MALRD1: variants seen among roughly 807,000 people sequenced by gnomAD.
MALRD1 encodes the protein MAM and LDL receptor class A domain containing 1, also known as MAM and LDL-receptor class A domain-containing protein 1.
A neutral mutation model predicts 242.1 loss-of-function variants in MALRD1; 247 were observed. The observed-to-expected ratio is 1.02, with a 90% CI of 0.92 to 1.13. The LOEUF (loss-of-function observed/expected upper bound fraction) is 1.13. Among genes scored for constraint, MALRD1 ranks in the 50% most tolerant of loss-of-function variants. The pLI, the probability that MALRD1 is intolerant of heterozygous loss-of-function variation, is 0.00. For synonymous variants in MALRD1, 995 were observed against 866.6 expected (o/e 1.15, Z -2.60); for missense variants, 2,989 against 2,533.1 (o/e 1.18, Z -3.86).
intron 36 of MALRD1, among the ~76,000 whole-genome samples, chr10:19,679,725 G>A (rs1842287113): frequency 6.6e-6 from 1 of 151,624 alleles, no homozygotes; most frequent in South Asian, 2.1e-4. Context: ...TGGTTCTCTA[G>A]TTCTTTTAGT....
intron 24 of MALRD1, among the ~76,000 whole-genome samples, chr10:19,346,791 C>T (rs1173206301): frequency 3.3e-5 from 5 of 152,082 alleles, no homozygotes; most frequent in African/African-American, 1.2e-4. Context: ...GCTGGGACCA[C>T]AGATGCCTGC....
chr10:19,653,608 T>A lies in MALRD1; in HGVS notation c.6137+37685T>A, dbSNP rs11010950. Among the ~76,000 whole-genome samples, 27 of 127,962 alleles carry A rather than the reference T, an allele frequency of 2.1e-4. No individual in the cohort carries two copies. In the East Asian group the frequency reaches 5.8e-3, roughly 28 times the overall value. 83.9% of individuals were successfully genotyped at this position (127,962 alleles called of 152,430 possible). A position where few individuals can be genotyped will look rare whatever the true frequency, so the allele number is the denominator to read the frequency against. Reference sequence around the variant, plus strand: ...AAGTTTTCATTTGTTCATTTTTAATTTTTTCTTCTTGCCTCTGGGAGACTT... The same window carrying A: ...AAGTTTTCATTTGTTCATTTTTAATATTTTCTTCTTGCCTCTGGGAGACTT... On this transcript the variant is annotated intron_variant, in intron 36 of 39. Coordinates refer to ENST00000454679, the MANE Select transcript of MALRD1 (RefSeq NM_001142308.3).
At chr10:19,225,481 A>G (rs1011710968) in intron 18 of MALRD1, among the ~76,000 whole-genome samples, 1 of 151,512 alleles carries the variant, frequency 6.6e-6, no homozygotes, top group South Asian at 2.1e-4. Context: ...TCACATATGT[A>G]TATGTGCAAA....
chr10:19,228,213 A>G (rs892818570), intron 18 of MALRD1, among the ~76,000 whole-genome samples: 1 of 152,220 alleles, frequency 6.6e-6, no homozygotes, highest in Non-Finnish European at 1.5e-5. Flanking sequence ...GTACCACTCA[A>G]CAATAAAAAG....
chr10:19,136,910 C>T (rs1056049874), intron 10 of MALRD1, 129 bp downstream of exon 10: 13 of 546,624 alleles, frequency 2.4e-5, no homozygotes, highest in South Asian at 1.0e-4. Context: ...TATGCATTAT[C>T]GCTCTGAAAC....
chr10:19,345,357 TA>T (rs1162346623), intron 24 of MALRD1, among the ~76,000 whole-genome samples: 8 of 152,184 alleles, frequency 5.3e-5, no homozygotes, highest in Non-Finnish European at 1.2e-4. Flanking sequence ...CACAGGCTGC[TA>T]AATTTTCCAG....
chr10:19,199,708 T>C lies in MALRD1; in HGVS notation c.1952-4020T>C, dbSNP rs557054621. Among the ~76,000 whole-genome samples, 11 of 151,938 alleles carry C rather than the reference T, an allele frequency of 7.2e-5. 1 individual carries two copies. The South Asian group carries it at 2.3e-3, about 32-fold the overall frequency. ...CCCAGCTACTCAGTAAGCTGAGGCA[T>C]GAGAATTGCTTGAACCCGGGAGGTG... On this transcript the variant is annotated intron_variant, in intron 14 of 39. Transcript: ENST00000454679.
At chr10:19,118,573 T>C (rs566246773) in intron 5 of MALRD1, among the ~76,000 whole-genome samples, 2 of 152,318 alleles carry the variant, frequency 1.3e-5, no homozygotes, top group South Asian at 2.1e-4. Flanking sequence ...GGTTTTATCA[T>C]GTAGATGAAG....
chr10:19,050,340 G>C (rs1208927787), intron 1 of MALRD1, among the ~76,000 whole-genome samples: 1 of 151,250 alleles, frequency 6.6e-6, no homozygotes, highest in Non-Finnish European at 1.5e-5. Flanking sequence ...GCCCGCCTCG[G>C]CCTCCCAAAG....
chr10:19,232,420 C>T (rs144236094), intron 18 of MALRD1, among the ~76,000 whole-genome samples: 2 of 151,900 alleles, frequency 1.3e-5, no homozygotes, highest in East Asian at 3.9e-4. Context: ...TCAAGTCATC[C>T]GCCCGCCTCA....
intron 14 of MALRD1, among the ~76,000 whole-genome samples, chr10:19,201,940 C>T (rs773882223): frequency 4.6e-5 from 7 of 152,002 alleles, no homozygotes; most frequent in Non-Finnish European, 7.4e-5. Context: ...CTCAGCCTCC[C>T]GAGTAGCTGG....
chr10:19,700,866 G>C (rs1833591118), intron 38 of MALRD1, among the ~76,000 whole-genome samples: 1 of 152,090 alleles, frequency 6.6e-6, no homozygotes, highest in South Asian at 2.1e-4. Context: ...CAAGAGAGAA[G>C]GATTCCCTCA....
chr10:19,483,741 C>A (rs1837118888), intron 29 of MALRD1, among the ~76,000 whole-genome samples: 1 of 152,054 alleles, frequency 6.6e-6, no homozygotes, highest in Admixed American at 6.6e-5. Flanking sequence ...GAACTTAGAA[C>A]TAACATTCAA....
At chr10:19,439,152 A>G (rs1202583471) in intron 28 of MALRD1, among the ~76,000 whole-genome samples, 1 of 152,142 alleles carries the variant, frequency 6.6e-6, no homozygotes, top group Non-Finnish European at 1.5e-5. Context: ...TTAAAATTTA[A>G]TTTAAAAATT....
intron 18 of MALRD1, 49 bp from the exon 19 acceptor site, chr10:19,257,635 T>A (rs1298989053): frequency 7.6e-7 from 1 of 1,316,690 alleles, no homozygotes. Flanking sequence ...TAATTTCCTT[T>A]ACCACATAAA....
intron 19 of MALRD1, among the ~76,000 whole-genome samples, chr10:19,260,164 A>G (rs889326313): frequency 3.3e-5 from 5 of 152,218 alleles, no homozygotes; most frequent in African/African-American, 9.6e-5. Context: ...ATACTATAGT[A>G]TATGTCAGTC....
At chr10:19,174,272 CT>C (rs1330588198) in intron 13 of MALRD1, among the ~76,000 whole-genome samples, 3 of 152,102 alleles carry the variant, frequency 2.0e-5, no homozygotes, top group Non-Finnish European at 4.4e-5. Context: ...CGGATAATTC[CT>C]TTATGGCTGG....
intron 18 of MALRD1, among the ~76,000 whole-genome samples, chr10:19,225,576 A>C (rs1414555490): frequency 2.0e-5 from 3 of 152,094 alleles, no homozygotes; most frequent in Non-Finnish European, 2.9e-5. Flanking sequence ...TATTAGTGTG[A>C]CCGAAGTATC....
intron 19 of MALRD1, among the ~76,000 whole-genome samples, chr10:19,263,732 T>C (rs763567654): frequency 2.0e-5 from 3 of 152,172 alleles, no homozygotes; most frequent in Non-Finnish European, 2.9e-5. Context: ...TTTTTATTGA[T>C]TACTTGACTT....
Sources: gnomAD v4.1 joint callset for allele counts (sites outside exome capture counted in the v4.1 genomes callset) on GRCh38, gnomAD v4.1.1 for gene constraint, MANE v1.5 for transcripts, NCBI Gene and HGNC (gene_info 2026-07-23, HGNC 2026-07-21) for gene names.